The following BBS9 variants were observed in gnomAD, a reference collection of about 807,000 sequenced individuals.
The protein encoded by BBS9 is protein PTHB1.
Under a neutral mutation model 117.7 loss-of-function variants are expected in BBS9, and 89 were observed. The observed-to-expected ratio is 0.76, with a 90% CI of 0.64 to 0.90. The LOEUF is 0.90. Ranked by LOEUF, BBS9 falls within the 40% of genes least tolerant of loss-of-function variation. BBS9 has a pLI of 0.00. For synonymous variants in BBS9, 379 were observed against 370.9 expected (o/e 1.02, Z -0.25); for missense variants, 982 against 1,042.2 (o/e 0.94, Z 0.80).
chr7:33,394,808 C>A (rs985388311), intron 19 of BBS9, among the ~76,000 whole-genome samples: 2 of 152,094 alleles, frequency 1.3e-5, no homozygotes, highest in African/African-American at 2.4e-5. Flanking sequence ...TGTTGGGTGT[C>A]TGCTGAGTTT....
intron 4 of BBS9, among the ~76,000 whole-genome samples, chr7:33,167,668 G>A (rs1360672841): frequency 1.3e-5 from 2 of 151,996 alleles, no homozygotes; most frequent in East Asian, 1.9e-4. Context: ...CAAAGTGCTG[G>A]GAGTACAAGC....
chr7:33,319,508 A>G (rs1811239235), intron 9 of BBS9, among the ~76,000 whole-genome samples: 1 of 152,140 alleles, frequency 6.6e-6, no homozygotes, highest in African/African-American at 2.4e-5. Flanking sequence ...TTACATTCCC[A>G]CCAGCAGTAT....
intron 19 of BBS9, among the ~76,000 whole-genome samples, chr7:33,445,528 T>C (rs1300994283): frequency 6.6e-6 from 1 of 152,214 alleles, no homozygotes; most frequent in African/African-American, 2.4e-5. Context: ...AGTGACCAGA[T>C]TGAGAAATTG....
At chr7:33,572,515 C>A (rs1297837422) in intron 21 of BBS9, among the ~76,000 whole-genome samples, 1 of 152,172 alleles carries the variant, frequency 6.6e-6, no homozygotes, top group East Asian at 1.9e-4. Context: ...GAGGAACCTC[C>A]ATACCGTTTT....
intron 2 of BBS9, among the ~76,000 whole-genome samples, chr7:33,148,582 C>T (rs755838018): frequency 1.1e-4 from 17 of 151,502 alleles, no homozygotes; most frequent in Admixed American, 2.6e-4. Context: ...AGGCTGGTCG[C>T]GAACTCCTGA....
intron 19 of BBS9, among the ~76,000 whole-genome samples, chr7:33,448,564 T>C (rs1163944613): frequency 6.6e-6 from 1 of 152,186 alleles, no homozygotes; most frequent in Non-Finnish European, 1.5e-5. Flanking sequence ...TTAAATGAGG[T>C]AAAGCTTGTG....
intron 19 of BBS9, among the ~76,000 whole-genome samples, chr7:33,415,235 C>G (rs1420020357): frequency 1.3e-5 from 2 of 152,096 alleles, no homozygotes; most frequent in Non-Finnish European, 2.9e-5. Context: ...TAAAATGTTC[C>G]AGTATAAAGT....
intron 9 of BBS9, among the ~76,000 whole-genome samples, chr7:33,306,629 C>G (rs993348498): frequency 7.2e-5 from 11 of 152,002 alleles, no homozygotes; most frequent in Non-Finnish European, 1.6e-4. Context: ...GTATCTGAAG[C>G]ATTTTGGTTT....
At chr7:33,524,922 G>A (rs1849240218) in intron 20 of BBS9, among the ~76,000 whole-genome samples, 1 of 152,206 alleles carries the variant, frequency 6.6e-6, no homozygotes, top group African/African-American at 2.4e-5. Context: ...TGCTTTGAAT[G>A]CATCCCAGAG....
intron 19 of BBS9, among the ~76,000 whole-genome samples, chr7:33,452,112 G>A (rs956059252): frequency 6.6e-6 from 1 of 152,096 alleles, no homozygotes; most frequent in South Asian, 2.1e-4. Flanking sequence ...GGAATTACAG[G>A]CGTGAGCCAC....
chr7:33,586,246 T>G (rs772457323), intron 21 of BBS9, among the ~76,000 whole-genome samples: 13 of 151,958 alleles, frequency 8.6e-5, no homozygotes, highest in Non-Finnish European at 1.6e-4. Context: ...GAACAGATAC[T>G]TCTAAAAAGA....
At chr7:33,381,530 G>A (rs1229386026) in intron 17 of BBS9, among the ~76,000 whole-genome samples, 3 of 151,976 alleles carry the variant, frequency 2.0e-5, no homozygotes, top group South Asian at 4.2e-4. Context: ...GTTCTTATAC[G>A]GTACTTTATC....
intron 19 of BBS9, among the ~76,000 whole-genome samples, chr7:33,424,282 A>T (rs1260265016): frequency 1.3e-5 from 2 of 152,122 alleles, no homozygotes; most frequent in African/African-American, 4.8e-5. Flanking sequence ...AAAGGAGAGA[A>T]CTCTTCCTTT....
At chr7:33,236,286 A>G (rs1455862808) in intron 5 of BBS9, among the ~76,000 whole-genome samples, 1 of 137,442 alleles carries the variant, frequency 7.3e-6, no homozygotes. Flanking sequence ...AGATTGTACC[A>G]TTTTACTCCA....
intron 21 of BBS9, among the ~76,000 whole-genome samples, chr7:33,618,941 A>G (rs753501620): frequency 6.6e-6 from 1 of 152,166 alleles, no homozygotes; most frequent in Non-Finnish European, 1.5e-5. Flanking sequence ...GAAGACAGCG[A>G]GAGAGGAAGA....
Position 33,604,909 on chromosome 7 carries a change from G to A in BBS9, c.2566G>A (p.Val856Ile). 1 of 1,613,768 alleles carries A rather than the reference G, an allele frequency of 6.2e-7. No individual in the cohort carries two copies. The highest frequency in any genetic ancestry group is 8.5e-7 in the Non-Finnish European group (1 of 1,179,770). ...IPESDLEERS[V>I]EQDSTELFTN... ...AGAGTCAGACCTAGAAGAAAGATCAGTAGAACAAGACTCTACAGAACTGTT... is the reference window on the plus strand; with the variant it reads ...AGAGTCAGACCTAGAAGAAAGATCAATAGAACAAGACTCTACAGAACTGTT... The change falls in exon 22 of 23, where the codon GTA becomes ATA. Residue 856 changes from valine to isoleucine, a missense_variant. Val to Ile is a conservative substitution (Grantham distance 29). Transcript: ENST00000242067.
At chr7:33,363,737 G>A (rs1040623255) in intron 16 of BBS9, among the ~76,000 whole-genome samples, 9 of 149,350 alleles carry the variant, frequency 6.0e-5, no homozygotes, top group South Asian at 2.1e-4. Context: ...TTCCTAGGTC[G>A]CTGAGACTGT....
chr7:33,554,430 A>G (rs1489442175), intron 21 of BBS9, among the ~76,000 whole-genome samples: 1 of 152,184 alleles, frequency 6.6e-6, no homozygotes, highest in Non-Finnish European at 1.5e-5. Flanking sequence ...ACAAATATCT[A>G]CAGTGTGTTT....
At chr7:33,610,736 T>C (rs1290235894), downstream of BBS9, among the ~76,000 whole-genome samples, 1 of 152,116 alleles carries the variant, frequency 6.6e-6, no homozygotes, top group African/African-American at 2.4e-5. Context: ...ACTATAGGTC[T>C]TCTTAAGTTT....
Sources: allele counts gnomAD v4.1 joint callset (sites outside exome capture counted in the v4.1 genomes callset), GRCh38; gene constraint gnomAD v4.1.1; transcripts MANE v1.5; gene names NCBI Gene and HGNC (gene_info 2026-07-23, HGNC 2026-07-21).